The following CSMD1 variants were observed in gnomAD, a reference collection of about 807,000 sequenced individuals.
The protein encoded by CSMD1 is CUB and sushi domain-containing protein 1.
A neutral mutation model predicts 417.5 loss-of-function variants in CSMD1; 213 were observed. The observed-to-expected ratio is 0.51, with a 90% confidence interval of 0.46 to 0.57. The LOEUF is 0.57. Ranked by LOEUF, CSMD1 falls within the 20% of genes least tolerant of loss-of-function variation. The probability of loss-of-function intolerance (pLI) is 0.00; values close to 1 mark genes in which losing one functional copy is unlikely to be tolerated. For synonymous variants in CSMD1, 2,862 were observed against 1,736.8 expected (o/e 1.65, Z -16.11); for missense variants, 6,923 against 4,529.7 (o/e 1.53, Z -15.17).
chr8:3,427,168 TG>T (rs1317866684), intron 12 of CSMD1, among the ~76,000 whole-genome samples: 1 of 152,120 alleles, frequency 6.6e-6, no homozygotes, highest in Non-Finnish European at 1.5e-5. Context: ...AAAATCAAGA[TG>T]AGATTTTGGG....
At position 3,493,628 on chromosome 8, in the gene CSMD1, C is replaced by A; in HGVS notation, c.1443G>T (p.Leu481Phe). Residue 481 changes from leucine (L) to phenylalanine (F), a missense_variant, in exon 11 of 70, where the codon TTG becomes TTT. Leu to Phe is a conservative substitution (Grantham distance 22, BLOSUM62 0). Coordinates refer to ENST00000635120, the MANE Select transcript of CSMD1 (RefSeq NM_033225.6). ...AAGCTCAAGGACATACTCACACGTACAAGACCGATCTGGTGTCTCCCACCT... is the reference window on the plus strand; with the variant it reads ...AAGCTCAAGGACATACTCACACGTAAAAGACCGATCTGGTGTCTCCCACCT... Reference protein sequence around the residue: ...AGKVGDTRSVLYVLTGSSVPD... With the variant: ...AGKVGDTRSVFYVLTGSSVPD... 8 of 1,608,504 alleles carry A rather than the reference C, an allele frequency of 5.0e-6. No individual in the cohort carries two copies. The highest frequency in any genetic ancestry group is 6.8e-6 in the Non-Finnish European group (8 of 1,177,386).
intron 3 of CSMD1, among the ~76,000 whole-genome samples, chr8:4,176,597 G>C (rs755633452): frequency 4.9e-5 from 6 of 122,808 alleles, no homozygotes; most frequent in African/African-American, 1.3e-4. Context: ...AGGGACATAG[G>C]AGTAGGAAAT....
intron 3 of CSMD1, among the ~76,000 whole-genome samples, chr8:4,073,497 A>G (rs750409136): frequency 2.4e-4 from 36 of 152,270 alleles, no homozygotes; most frequent in Admixed American, 2.4e-3. Flanking sequence ...TCCTCATCCA[A>G]TATTCTTTCA....
At chr8:3,754,507 G>T (rs1412017643) in intron 5 of CSMD1, among the ~76,000 whole-genome samples, 2 of 151,744 alleles carry the variant, frequency 1.3e-5, no homozygotes, top group African/African-American at 2.4e-5. Context: ...CAGGCTGGAG[G>T]GCAGTGGTGC....
intron 68 of CSMD1, 137 bp from the exon 69 acceptor site, chr8:2,942,741 T>A: frequency 1.6e-6 from 1 of 638,034 alleles, no homozygotes; most frequent in Middle Eastern, 4.5e-4. Flanking sequence ...CAAATGATAT[T>A]CTTTTCTAAA....
chr8:4,924,722 C>CAA (rs60827201), intron 1 of CSMD1, among the ~76,000 whole-genome samples: 4,792 of 57,618 alleles, frequency 0.083, 281 homozygotes, highest in Middle Eastern at 0.15. Flanking sequence ...AACTCCATCT[C>CAA]AAAAAAAAAA....
intron 3 of CSMD1, among the ~76,000 whole-genome samples, chr8:4,184,331 G>C (rs1056521460): frequency 1.3e-5 from 2 of 152,128 alleles, no homozygotes; most frequent in African/African-American, 4.8e-5. Flanking sequence ...ATGAGTTTTA[G>C]ACAAGTCATT....
intron 9 of CSMD1, among the ~76,000 whole-genome samples, chr8:3,578,816 T>G (rs10107216): frequency 0.35 from 52,838 of 152,044 alleles, 9,805 homozygotes; most frequent in Non-Finnish European, 0.41. Context: ...TAAACAGGCA[T>G]TCAATTAGTC....
chr8:4,277,157 C>G (rs1026489342), intron 3 of CSMD1, among the ~76,000 whole-genome samples: 20 of 151,550 alleles, frequency 1.3e-4, no homozygotes, highest in Admixed American at 1.3e-3. Context: ...ATAGTTTAAT[C>G]CAACACTATA....
intron 3 of CSMD1, among the ~76,000 whole-genome samples, chr8:4,210,660 A>G (rs1358485759): frequency 6.6e-6 from 1 of 152,178 alleles, no homozygotes; most frequent in Non-Finnish European, 1.5e-5. Context: ...AAAAAAAAAC[A>G]CTTATCTGAA....
intron 3 of CSMD1, among the ~76,000 whole-genome samples, chr8:4,388,477 T>C (rs779420228): frequency 6.6e-6 from 1 of 151,560 alleles, no homozygotes; most frequent in Non-Finnish European, 1.5e-5. Context: ...TCATATGTTC[T>C]CACTGATATG....
chr8:2,955,822 G>T (rs1014072593), intron 63 of CSMD1, 54 bp from the exon 64 acceptor site: 2 of 1,521,536 alleles, frequency 1.3e-6, no homozygotes, highest in African/African-American at 2.8e-5. Flanking sequence ...GTTAGCACAT[G>T]TGTCTAGAGA....
At chr8:3,943,380 G>C (rs1278567582) in intron 5 of CSMD1, among the ~76,000 whole-genome samples, 1 of 146,094 alleles carries the variant, frequency 6.8e-6, no homozygotes, top group African/African-American at 2.5e-5. Context: ...AAGTCAGATA[G>C]CTAAGTTATA....
intron 49 of CSMD1, among the ~76,000 whole-genome samples, chr8:3,081,770 A>G (rs1814119311): frequency 6.6e-6 from 1 of 152,222 alleles, no homozygotes; most frequent in Non-Finnish European, 1.5e-5. Flanking sequence ...TGGTCCTTAT[A>G]AAAGTTACAA....
At chr8:3,340,334 A>C (rs1807564383) in intron 23 of CSMD1, among the ~76,000 whole-genome samples, 1 of 152,228 alleles carries the variant, frequency 6.6e-6, no homozygotes, top group African/African-American at 2.4e-5. Context: ...ATGCTTTTAT[A>C]AATATGAAGG....
chr8:3,118,983 A>G (rs1817029214), intron 41 of CSMD1, among the ~76,000 whole-genome samples: 1 of 152,178 alleles, frequency 6.6e-6, no homozygotes, highest in South Asian at 2.1e-4. Context: ...GATCAAGACC[A>G]TCCTGGCTAA....
intron 2 of CSMD1, among the ~76,000 whole-genome samples, chr8:4,594,307 G>A (rs1356802435): frequency 4.0e-5 from 6 of 149,254 alleles, no homozygotes; most frequent in African/African-American, 7.5e-5. Context: ...GGGTTAAAGC[G>A]ATTCTCCTGT....
intron 5 of CSMD1, among the ~76,000 whole-genome samples, chr8:3,987,107 C>T (rs1814389033): frequency 6.6e-6 from 1 of 152,104 alleles, no homozygotes; most frequent in African/African-American, 2.4e-5. Context: ...TTCCTTTCTC[C>T]CAACTTACTG....
At chr8:4,374,772 G>A (rs1584977162) in intron 3 of CSMD1, among the ~76,000 whole-genome samples, 1 of 152,068 alleles carries the variant, frequency 6.6e-6, no homozygotes, top group Non-Finnish European at 1.5e-5. Context: ...TCTAATGAAT[G>A]GCCACCTGCT....
Sources: gnomAD v4.1 joint callset for allele counts (sites outside exome capture counted in the v4.1 genomes callset) on GRCh38, gnomAD v4.1.1 for gene constraint, MANE v1.5 for transcripts, NCBI Gene and HGNC (gene_info 2026-07-23, HGNC 2026-07-21) for gene names.